SSPN: variants seen among roughly 807,000 people sequenced by gnomAD.
SSPN encodes the protein K-ras oncogene-associated protein.
Under a neutral mutation model 19.1 loss-of-function variants are expected in SSPN, and 15 were observed. The ratio of observed to expected loss-of-function variants is 0.78; its 90% confidence interval spans 0.52 to 1.21. The LOEUF is 1.21. Ranked by LOEUF, SSPN falls within the 50% of genes most tolerant of loss-of-function variation. SSPN has a pLI of 0.00. For missense variants in SSPN, 291 were observed against 314.0 expected (o/e 0.93, Z 0.55); for synonymous variants, 147 against 140.3 (o/e 1.05, Z -0.34).
intron 1 of SSPN, among the ~76,000 whole-genome samples, chr12:26,157,247 G>C (rs1211749789): frequency 6.6e-6 from 1 of 152,198 alleles, no homozygotes; most frequent in Non-Finnish European, 1.5e-5. Context: ...TTCACTAAGT[G>C]ATTGCAGATT....
chr12:26,201,026 T>TAAA (rs1473461241), intron 1 of SSPN, among the ~76,000 whole-genome samples: 7,236 of 44,502 alleles, frequency 0.16, 535 homozygotes, highest in African/African-American at 0.36. Context: ...TATATATATA[T>TAAA]ATATATATAT....
chr12:26,178,732 C>T (rs1944700273), intron 1 of SSPN, among the ~76,000 whole-genome samples: 1 of 152,202 alleles, frequency 6.6e-6, no homozygotes, highest in Non-Finnish European at 1.5e-5. Context: ...GTCACAGCAT[C>T]TTCTAAATGG....
chr12:26,125,169 G>C (rs1944353456), intron 1 of SSPN: 1 of 357,554 alleles, frequency 2.8e-6, no homozygotes, highest in South Asian at 2.5e-5. Context: ...AGAAGGCGGC[G>C]AGAGAAGGCG....
At chr12:26,225,222 A>C (rs1945165019) in intron 2 of SSPN, among the ~76,000 whole-genome samples, 1 of 149,834 alleles carries the variant, frequency 6.7e-6, no homozygotes, top group South Asian at 2.2e-4. Context: ...TCAGACATAA[A>C]AGTAAGTGAA....
intron 1 of SSPN, among the ~76,000 whole-genome samples, chr12:26,209,703 C>A (rs909110827): frequency 6.6e-6 from 1 of 151,098 alleles, no homozygotes; most frequent in Non-Finnish European, 1.5e-5. Context: ...GTTTTCAGTT[C>A]CTTCCTTCAT....
chr12:26,138,173 A>G (rs1944439675), intron 1 of SSPN, among the ~76,000 whole-genome samples: 2 of 152,204 alleles, frequency 1.3e-5, no homozygotes, highest in Non-Finnish European at 2.9e-5. Context: ...TAAACACTAT[A>G]TAAACACTGA....
At chr12:26,148,776 C>G (rs753479186) in intron 1 of SSPN, among the ~76,000 whole-genome samples, 4 of 152,038 alleles carry the variant, frequency 2.6e-5, no homozygotes, top group Non-Finnish European at 5.9e-5. Context: ...TCAGAAATGT[C>G]TTGAAAATAA....
Position 26,195,641 on chromosome 12 carries a change from G to GCCGGGCCCCCCCCCCCCC in SSPN, c.-31_-30insCGGGCCCCCCCCCCCCCC. On this transcript the variant is annotated 5_prime_UTR_variant, in exon 1 of 3. Transcript: ENST00000242729. ...CTCCAGGGCCCAGGGCGCCGCACAC[G>GCCGGGCCCCCCCCCCCCC]CACCCACCCACCCACCCAGCCTCGC... is the stretch of plus-strand genomic sequence containing the variant. 1 of 1,105,402 alleles carries GCCGGGCCCCCCCCCCCCC rather than the reference G, an allele frequency of 9.0e-7. No individual in the cohort carries two copies. Among genetic ancestry groups the GCCGGGCCCCCCCCCCCCC allele is most frequent in the Non-Finnish European group, 1.1e-6 (1 of 878,120 alleles). The allele number at this position is 1,105,402 out of a possible 1,614,324, so 68.5% of individuals were successfully genotyped here.
intron 1 of SSPN, chr12:26,122,510 C>CGCGCCT (rs1286295649): frequency 2.3e-5 from 30 of 1,300,560 alleles, no homozygotes; most frequent in Non-Finnish European, 3.0e-5. Flanking sequence ...GCGGGAAGGG[C>CGCGCCT]GCGCCTCCGC....
intron 1 of SSPN, chr12:26,211,236 A>G (rs1944982842): frequency 6.6e-6 from 1 of 152,206 alleles, no homozygotes; most frequent in South Asian, 2.1e-4. Context: ...AACTGCAAGA[A>G]TTCCCAGCAG....
At chr12:26,182,766 CTTT>C (rs68001290) in intron 1 of SSPN, among the ~76,000 whole-genome samples, 8 of 131,500 alleles carry the variant, frequency 6.1e-5, no homozygotes, top group Admixed American at 7.6e-5. Flanking sequence ...AAAGTACATA[CTTT>C]TTTTTTTTTT....
chr12:26,125,626 A>G (rs1200861332), intron 1 of SSPN: 1 of 152,216 alleles, frequency 6.6e-6, no homozygotes, highest in Non-Finnish European at 1.5e-5. Context: ...CTGGGTCCGA[A>G]TGTCGCAATC....
chr12:26,203,491 T>C (rs1944904272), intron 1 of SSPN, among the ~76,000 whole-genome samples: 1 of 152,184 alleles, frequency 6.6e-6, no homozygotes, highest in South Asian at 2.1e-4. Flanking sequence ...ATAAGCTATA[T>C]AAAAACCTAT....
At chr12:26,169,755 C>T (rs571473319) in intron 1 of SSPN, among the ~76,000 whole-genome samples, 1 of 152,190 alleles carries the variant, frequency 6.6e-6, no homozygotes, top group East Asian at 1.9e-4. Flanking sequence ...TTGAGGATGT[C>T]AAATATCAAA....
rs530565510 is a variant in SSPN at position 26,231,214 on chromosome 12, A to G, written c.*138A>G. On this transcript the variant is annotated 3_prime_UTR_variant, in exon 3 of 3. Transcript: ENST00000242729. ...TCTAATTGAATATTTTTATATTTTTATGAAACAAAAGAGCATTTCTTCAGG... is the reference window on the plus strand; with the variant it reads ...TCTAATTGAATATTTTTATATTTTTGTGAAACAAAAGAGCATTTCTTCAGG... 143 of 1,253,090 alleles carry G rather than the reference A, an allele frequency of 1.1e-4. No homozygotes were observed. In the African/African-American group the frequency reaches 1.8e-3, roughly 16 times the overall value. The allele number at this position is 1,253,090 out of a possible 1,614,324, so 77.6% of individuals were successfully genotyped here.
intron 1 of SSPN, chr12:26,180,087 A>G (rs924256545): frequency 6.6e-6 from 1 of 152,062 alleles, no homozygotes; most frequent in Non-Finnish European, 1.5e-5. Flanking sequence ...CTTCTCTTCC[A>G]CAACCCATCT....
At chr12:26,212,298 G>A (rs1263332100) in intron 1 of SSPN, among the ~76,000 whole-genome samples, 1 of 152,108 alleles carries the variant, frequency 6.6e-6, no homozygotes, top group Non-Finnish European at 1.5e-5. Flanking sequence ...AATAATAAAG[G>A]GGTGGATGTT....
intron 1 of SSPN, chr12:26,124,400 T>C: frequency 8.6e-7 from 1 of 1,160,990 alleles, no homozygotes; most frequent in Non-Finnish European, 1.3e-6. Context: ...CACTTAAAAT[T>C]CACAGTTGGG....
intron 1 of SSPN, chr12:26,126,699 A>T (rs913918180): frequency 6.6e-6 from 1 of 152,056 alleles, no homozygotes; most frequent in Non-Finnish European, 1.5e-5. Context: ...GGAGACGCGC[A>T]CTGCGTCTGG....
Sources: gnomAD v4.1 joint callset for allele counts (sites outside exome capture counted in the v4.1 genomes callset) on GRCh38, gnomAD v4.1.1 for gene constraint, MANE v1.5 for transcripts, NCBI Gene and HGNC (gene_info 2026-07-23, HGNC 2026-07-21) for gene names.